The following ADAMTS19 variants were observed in gnomAD, a reference collection of about 807,000 sequenced individuals.
ADAMTS19 encodes the protein ADAM metallopeptidase with thrombospondin type 1 motif 19, also known as A disintegrin and metalloproteinase with thrombospondin motifs 19.
ADAMTS19 carries 93 observed loss-of-function variants against 153.3 expected under a neutral mutation model. The observed-to-expected ratio is 0.61, with a 90% CI of 0.51 to 0.72. The LOEUF (loss-of-function observed/expected upper bound fraction) is 0.72, where lower values mean the gene tolerates loss of function less well. ADAMTS19 is among the 30% of genes least tolerant of loss of function. The pLI is 0.00. For missense variants in ADAMTS19, 1,482 were observed against 1,552.1 expected (o/e 0.95, Z 0.76); for synonymous variants, 600 against 556.6 (o/e 1.08, Z -1.10).
At chr5:129,511,479 A>T (rs7724326) in intron 3 of ADAMTS19, among the ~76,000 whole-genome samples, 2 of 151,522 alleles carry the variant, frequency 1.3e-5, no homozygotes, top group Admixed American at 1.3e-4. Context: ...TGTTTGTAAT[A>T]TAAGCACAAC....
intron 6 of ADAMTS19, among the ~76,000 whole-genome samples, chr5:129,540,575 T>C (rs1178990360): frequency 6.6e-6 from 1 of 152,080 alleles, no homozygotes; most frequent in Admixed American, 6.6e-5. Context: ...GTATAATACA[T>C]GTGAAAGTTA....
chr5:129,570,420 G>C (rs1753855849), intron 7 of ADAMTS19, among the ~76,000 whole-genome samples: 1 of 151,670 alleles, frequency 6.6e-6, no homozygotes, highest in Non-Finnish European at 1.5e-5. Context: ...TAAAGAATTT[G>C]AGTTTTTATT....
chr5:129,703,345 T>C (rs1176312648), intron 20 of ADAMTS19, among the ~76,000 whole-genome samples: 2 of 152,060 alleles, frequency 1.3e-5, no homozygotes, highest in Non-Finnish European at 2.9e-5. Flanking sequence ...ACATCTCCTA[T>C]TTATTAAACT....
chr5:129,558,498 T>A (rs1029998551), intron 7 of ADAMTS19, among the ~76,000 whole-genome samples: 1 of 152,092 alleles, frequency 6.6e-6, no homozygotes, highest in African/African-American at 2.4e-5. Context: ...TTACAATTCA[T>A]TAAAGAAGAC....
chr5:129,576,621 C>A (rs1009277826), intron 7 of ADAMTS19, among the ~76,000 whole-genome samples: 1 of 149,322 alleles, frequency 6.7e-6, no homozygotes, highest in African/African-American at 2.5e-5. Flanking sequence ...CCATTTTTTC[C>A]AAATAGCCCC....
At chr5:129,479,267 G>C (rs1277103686) in intron 2 of ADAMTS19, among the ~76,000 whole-genome samples, 1 of 152,188 alleles carries the variant, frequency 6.6e-6, no homozygotes, top group Non-Finnish European at 1.5e-5. Context: ...GGTAGAAATT[G>C]ATGTGGAATA....
chr5:129,539,571 C>G (rs1379212311), intron 6 of ADAMTS19, among the ~76,000 whole-genome samples: 1 of 152,014 alleles, frequency 6.6e-6, no homozygotes, highest in Non-Finnish European at 1.5e-5. Flanking sequence ...CTGATGCATT[C>G]CTATATCGGT....
chr5:129,567,428 T>G (rs1182946880), intron 7 of ADAMTS19, among the ~76,000 whole-genome samples: 1 of 152,104 alleles, frequency 6.6e-6, no homozygotes, highest in Non-Finnish European at 1.5e-5. Flanking sequence ...ACTAAAGCAT[T>G]TATTATAAAG....
At chr5:129,711,706 C>A (rs1013926815) in intron 21 of ADAMTS19, among the ~76,000 whole-genome samples, 3 of 151,878 alleles carry the variant, frequency 2.0e-5, no homozygotes, top group Non-Finnish European at 4.4e-5. Flanking sequence ...TTTAGGCTAG[C>A]ATTTCCAAAA....
chr5:129,645,433 A>G (rs1384109274), intron 11 of ADAMTS19, among the ~76,000 whole-genome samples: 1 of 152,254 alleles, frequency 6.6e-6, no homozygotes, highest in Non-Finnish European at 1.5e-5. Context: ...TATAGAAGAC[A>G]CAAAAGCAGG....
chr5:129,672,815 CA>C (rs1480991556), intron 16 of ADAMTS19, among the ~76,000 whole-genome samples: 6 of 149,886 alleles, frequency 4.0e-5, no homozygotes, highest in Non-Finnish European at 7.4e-5. Context: ...AATCTACACA[CA>C]CACACACACA....
chr5:129,491,281 C>T (rs1007390466), intron 2 of ADAMTS19, among the ~76,000 whole-genome samples: 2 of 152,078 alleles, frequency 1.3e-5, no homozygotes, highest in Admixed American at 6.6e-5. Context: ...AGATTACAGG[C>T]GTGAGCCACC....
intron 11 of ADAMTS19, among the ~76,000 whole-genome samples, chr5:129,645,567 C>T (rs556004824): frequency 6.6e-6 from 1 of 152,178 alleles, no homozygotes; most frequent in African/African-American, 2.4e-5. Flanking sequence ...TTTCTGTATC[C>T]ATTTCTCTTC....
chr5:129,620,936 C>T (rs1377311506), intron 9 of ADAMTS19, among the ~76,000 whole-genome samples, 178 bp downstream of exon 9: 1 of 151,916 alleles, frequency 6.6e-6, no homozygotes, highest in Admixed American at 6.6e-5. Context: ...GTTATTTAAC[C>T]CCCTGCTTTT....
intron 8 of ADAMTS19, among the ~76,000 whole-genome samples, chr5:129,616,341 C>T (rs1040556988): frequency 1.3e-4 from 20 of 151,814 alleles, no homozygotes; most frequent in Non-Finnish European, 2.7e-4. Context: ...ATTAATGTTT[C>T]CACATAATAT....
chr5:129,694,958 T>G (rs574601714), intron 19 of ADAMTS19, 103 bp downstream of exon 19: 1 of 1,269,056 alleles, frequency 7.9e-7, no homozygotes, highest in East Asian at 2.8e-5. Context: ...CTTAAAAACA[T>G]TGCCAAAGGA....
intron 3 of ADAMTS19, among the ~76,000 whole-genome samples, chr5:129,521,160 G>A (rs2126748891): frequency 6.6e-6 from 1 of 152,062 alleles, no homozygotes; most frequent in South Asian, 2.1e-4. Flanking sequence ...CTTGAGTTCT[G>A]ACTATCAAAA....
intron 6 of ADAMTS19, among the ~76,000 whole-genome samples, chr5:129,546,358 C>A (rs1263899071): frequency 1.3e-5 from 2 of 149,884 alleles, no homozygotes; most frequent in African/African-American, 5.0e-5. Context: ...GCACAATGTG[C>A]ACATGTACCC....
chr5:129,676,150 C>T (rs1288824656), intron 16 of ADAMTS19, among the ~76,000 whole-genome samples: 3 of 152,070 alleles, frequency 2.0e-5, no homozygotes, highest in Non-Finnish European at 2.9e-5. Context: ...GTTGCAATCC[C>T]TGACTTTTTC....
Sources: allele counts gnomAD v4.1 joint callset (sites outside exome capture counted in the v4.1 genomes callset), GRCh38; gene constraint gnomAD v4.1.1; transcripts MANE v1.5; gene names NCBI Gene and HGNC (gene_info 2026-07-23, HGNC 2026-07-21).